Variants in C10orf143 observed in about 807,000 individuals in gnomAD.
C10orf143 encodes chromosome 10 open reading frame 143, also known as uncharacterized protein C10orf143.
At chr10:130,042,511 G>A (rs1019308752) in intron 3 of C10orf143, among the ~76,000 whole-genome samples, 3 of 152,226 alleles carry the variant, frequency 2.0e-5, no homozygotes, top group South Asian at 2.1e-4. Flanking sequence ...GTTGGAGCGC[G>A]GAAGCCCTTT....
chr10:130,109,137 G>A (rs1861715435), intron 1 of C10orf143, among the ~76,000 whole-genome samples: 1 of 152,040 alleles, frequency 6.6e-6, no homozygotes. Context: ...CCTCTCTTGT[G>A]CAAACCTCTG....
chr10:130,041,366 C>T (rs996501528), intron 3 of C10orf143, among the ~76,000 whole-genome samples: 1 of 152,116 alleles, frequency 6.6e-6, no homozygotes, highest in African/African-American at 2.4e-5. Context: ...GAGTCAGTAC[C>T]AAGGAGGCCA....
chr10:130,108,140 G>C (rs569085882), intron 1 of C10orf143: 22 of 1,565,618 alleles, frequency 1.4e-5, no homozygotes, highest in Non-Finnish European at 1.9e-5. Context: ...CCTAATCAGA[G>C]GTCCACTGTT....
chr10:130,072,576 CT>C (rs1248432777), intron 3 of C10orf143, among the ~76,000 whole-genome samples: 1 of 152,008 alleles, frequency 6.6e-6, no homozygotes, highest in Admixed American at 6.5e-5. Flanking sequence ...ACTTTTAGTT[CT>C]TTTTAAAAAA....
At chr10:130,070,692 T>C (rs1234659602) in intron 3 of C10orf143, among the ~76,000 whole-genome samples, 7 of 152,190 alleles carry the variant, frequency 4.6e-5, no homozygotes, top group Non-Finnish European at 1.0e-4. Flanking sequence ...ATTCCTTTAG[T>C]AGATATATAT....
chr10:130,044,511 G>C (rs1860643904), intron 3 of C10orf143, among the ~76,000 whole-genome samples: 1 of 152,208 alleles, frequency 6.6e-6, no homozygotes, highest in African/African-American at 2.4e-5. Flanking sequence ...GGGAACCCCG[G>C]GTGTGGTCTT....
intron 1 of C10orf143, among the ~76,000 whole-genome samples, chr10:130,092,802 A>T (rs1861402610): frequency 1.3e-5 from 2 of 152,306 alleles, no homozygotes; most frequent in African/African-American, 4.8e-5. Context: ...ACCAATGAAG[A>T]TCAAAAAAAA....
intron 3 of C10orf143, among the ~76,000 whole-genome samples, chr10:130,076,028 A>T: frequency 7.1e-6 from 1 of 140,300 alleles, no homozygotes; most frequent in African/African-American, 2.6e-5. Flanking sequence ...TCATTCTGTC[A>T]CTCAGGCTGG....
rs1590009402 is a variant in C10orf143 at position 130,056,205 on chromosome 10, G to A, written c.298-20235C>T. 2.0e-5 allele frequency among the ~76,000 whole-genome samples: 3 copies of A among 152,286 alleles called. No individual in the cohort carries two copies. Among genetic ancestry groups the A allele is most frequent in the African/African-American group, 7.2e-5 (3 of 41,560 alleles). ...GGCTGAAAACATCACCGTGTATTTA[G>A]TAAATGTGCAATTAACCCTTACCGA... is the stretch of plus-strand genomic sequence containing the variant. On this transcript the variant is annotated intron_variant and NMD_transcript_variant, in intron 3 of 5. Coordinates refer to the C10orf143 transcript ENST00000643056. The surrounding 1 kb of genome is among the most constrained non-coding windows in gnomAD (Gnocchi z 4.6).
At chr10:130,037,186 T>A (rs953998294) in intron 3 of C10orf143, among the ~76,000 whole-genome samples, 1 of 152,172 alleles carries the variant, frequency 6.6e-6, no homozygotes, top group Non-Finnish European at 1.5e-5. Context: ...CTCTGCCCTG[T>A]GGGAGGAGAT....
At chr10:130,054,645 G>A (rs539008400) in intron 3 of C10orf143, among the ~76,000 whole-genome samples, 1 of 152,274 alleles carries the variant, frequency 6.6e-6, no homozygotes, top group Non-Finnish European at 1.5e-5. Context: ...CCAACAGTGG[G>A]TATGGCTGCC....
At chr10:130,046,948 T>TGC (rs1564952617) in intron 3 of C10orf143, among the ~76,000 whole-genome samples, 43 of 152,346 alleles carry the variant, frequency 2.8e-4, no homozygotes, top group Admixed American at 1.8e-3. Flanking sequence ...CGTGCACACT[T>TGC]GCTTTTTAAC....
chr10:130,058,127 G>T (rs1399046121), intron 3 of C10orf143, among the ~76,000 whole-genome samples: 2 of 152,204 alleles, frequency 1.3e-5, no homozygotes, highest in African/African-American at 4.8e-5. Context: ...ATGGTCTGTG[G>T]CATCTCCTGG....
At chr10:130,062,173 T>A (rs763393101), downstream of C10orf143, among the ~76,000 whole-genome samples, 4 of 152,116 alleles carry the variant, frequency 2.6e-5, no homozygotes, top group Non-Finnish European at 5.9e-5. Context: ...GCCATCCCCC[T>A]TTTTAGGTAC....
At chr10:130,067,116 T>A (rs1247612968) in intron 3 of C10orf143, 1 of 152,372 alleles carries the variant, frequency 6.6e-6, no homozygotes, top group Non-Finnish European at 1.5e-5. Context: ...CGCCTTCTCC[T>A]CCACACCCTT....
At chr10:130,086,915 G>C (rs1861299842) in intron 1 of C10orf143, among the ~76,000 whole-genome samples, 1 of 152,218 alleles carries the variant, frequency 6.6e-6, no homozygotes, top group African/African-American at 2.4e-5. Flanking sequence ...CAGCAGACTT[G>C]TGATTATCTG....
chr10:130,069,686 C>T (rs1456425716), intron 3 of C10orf143, among the ~76,000 whole-genome samples: 1 of 152,146 alleles, frequency 6.6e-6, no homozygotes, highest in Admixed American at 6.5e-5. Context: ...TCATAGCTCA[C>T]TGCAGCCTCC....
chr10:130,080,018 T>C, intron 1 of C10orf143, 117 bp from the exon 2 acceptor site: 2 of 397,786 alleles, frequency 5.0e-6, no homozygotes, highest in East Asian at 3.6e-5. Flanking sequence ...TGGAAAACTT[T>C]ATAGGGCATT....
chr10:130,046,268 G>A (rs1044840826), intron 3 of C10orf143, among the ~76,000 whole-genome samples: 2 of 152,040 alleles, frequency 1.3e-5, no homozygotes, highest in East Asian at 1.9e-4. Context: ...GGACGCGGGG[G>A]CACGGCAATG....
Sources: gnomAD v4.1 joint callset for allele counts (sites outside exome capture counted in the v4.1 genomes callset) on GRCh38, gnomAD v4.1.1 for gene constraint, Gnocchi (gnomAD v3.1) non-coding constraint, MANE v1.5 for transcripts, NCBI Gene and HGNC (gene_info 2026-07-23, HGNC 2026-07-21) for gene names.